TBC1D14: variants seen among roughly 807,000 people sequenced by gnomAD.
TBC1D14 encodes the protein TBC1 domain family, member 14.
TBC1D14 carries 26 observed loss-of-function variants against 79.0 expected under a neutral mutation model. That is an observed-to-expected ratio of 0.33 (90% CI 0.24 to 0.46). The LOEUF is 0.46. TBC1D14 is among the 20% of genes least tolerant of loss of function. The pLI, the probability that TBC1D14 is intolerant of heterozygous loss-of-function variation, is 1.00. For missense variants in TBC1D14, 769 were observed against 887.6 expected (o/e 0.87, Z 1.70); for synonymous variants, 394 against 349.9 (o/e 1.13, Z -1.40).
rs369968556 is a variant in TBC1D14 at position 7,014,563 on chromosome 4, A to G, written c.1757+6A>G. ...GATATCTACCTAATTGATTGGTAAG[A>G]CTGGCTTTTCCCTGTGTTTTCAGAG... is the stretch of plus-strand genomic sequence containing the variant. On this transcript the variant is annotated splice_donor_region_variant and intron_variant, in intron 12 of 13. Coordinates refer to ENST00000409757, the MANE Select transcript of TBC1D14 (RefSeq NM_020773.3). The G allele has an allele frequency of 6.3e-7, 1 of 1,580,686 alleles. No individual in the cohort carries two copies. The highest frequency in any genetic ancestry group is 2.2e-5 in the East Asian group (1 of 44,710).
At chr4:7,004,815 T>C in intron 7 of TBC1D14, 29 bp from the exon 8 acceptor site, 1 of 1,612,174 alleles carries the variant, frequency 6.2e-7, no homozygotes, top group Non-Finnish European at 8.5e-7. Context: ...CATGTGCACG[T>C]AATACTTACC....
chr4:6,967,511 C>A, intron 3 of TBC1D14, 87 bp downstream of exon 3: 1 of 1,518,744 alleles, frequency 6.6e-7, no homozygotes, highest in Middle Eastern at 1.8e-4. Flanking sequence ...CATATTGAGT[C>A]TGAAACTGGA....
In TBC1D14 at chr4:6,916,631, G is replaced by A. The variant is rs6812075; in HGVS notation, c.-18+6680G>A. On this transcript the variant is annotated intron_variant, in intron 1 of 13. Coordinates refer to ENST00000409757, the MANE Select transcript of TBC1D14 (RefSeq NM_020773.3). ...AAGTGAAGATTGTGGCTCTGGTGGC[G>A]TGACAGTTGATTGAATCCCTCGGGG... Among the ~76,000 whole-genome samples, 632 of 152,286 alleles carry A rather than the reference G, an allele frequency of 4.2e-3. 3 individuals carry two copies. The highest frequency in any genetic ancestry group is 0.014 in the African/African-American group (588 of 41,562).
At chr4:6,949,606 C>T (rs1713830755) in intron 2 of TBC1D14, among the ~76,000 whole-genome samples, 1 of 151,246 alleles carries the variant, frequency 6.6e-6, no homozygotes, top group Admixed American at 6.6e-5. Context: ...TCGCTTGAAC[C>T]CGCGAGGCAG....
At chr4:7,025,588 T>C (rs1410316012) in intron 13 of TBC1D14, among the ~76,000 whole-genome samples, 2 of 152,210 alleles carry the variant, frequency 1.3e-5, no homozygotes, top group South Asian at 2.1e-4. Flanking sequence ...CGTACCCCCC[T>C]TTTTAAAAAA....
intron 2 of TBC1D14, among the ~76,000 whole-genome samples, chr4:6,931,590 G>A (rs976284516): frequency 1.3e-5 from 2 of 152,152 alleles, no homozygotes; most frequent in Non-Finnish European, 2.9e-5. Context: ...CTGCAGACCT[G>A]CCAGTGGTCC....
intron 2 of TBC1D14, among the ~76,000 whole-genome samples, chr4:6,939,421 C>G (rs900624858): frequency 2.0e-5 from 3 of 152,020 alleles, no homozygotes; most frequent in Non-Finnish European, 4.4e-5. Flanking sequence ...CAGGTCCCCC[C>G]CAGAAGCATG....
intron 6 of TBC1D14, among the ~76,000 whole-genome samples, chr4:7,000,214 G>A (rs976764462): frequency 3.9e-5 from 6 of 152,134 alleles, no homozygotes; most frequent in African/African-American, 1.2e-4. Flanking sequence ...TGCTCCCACC[G>A]AGGGAGACCA....
At position 7,027,426 on chromosome 4, in the gene TBC1D14, TACAC is replaced by T. The variant is rs781227364; in HGVS notation, c.2016+2166_2016+2169del. On this transcript the variant is annotated intron_variant, in intron 13 of 13. Transcript: ENST00000409757. ...CAATCACCCCCCACACACCTACACA[TACAC>T]AGTCACCCCACACATAGACACGCAC... 2.1e-4 allele frequency among the ~76,000 whole-genome samples: 18 copies of T among 84,938 alleles called. No individual in the cohort carries two copies. In the Admixed American group the frequency reaches 2.5e-3, roughly 12 times the overall value. 55.7% of individuals were successfully genotyped at this position (84,938 alleles called of 152,430 possible). A position where few individuals can be genotyped will look rare whatever the true frequency, so the allele number is the denominator to read the frequency against.
chr4:7,024,096 G>C (rs985952138), intron 12 of TBC1D14, among the ~76,000 whole-genome samples: 1 of 152,204 alleles, frequency 6.6e-6, no homozygotes, highest in Non-Finnish European at 1.5e-5. Flanking sequence ...AGCACCCCCC[G>C]GCCGGAGTCC....
intron 11 of TBC1D14, among the ~76,000 whole-genome samples, chr4:7,012,006 A>G (rs2109257138): frequency 6.6e-6 from 1 of 152,120 alleles, no homozygotes; most frequent in South Asian, 2.1e-4. Flanking sequence ...AAAGTATTTA[A>G]AAGCTGTTGG....
intron 3 of TBC1D14, among the ~76,000 whole-genome samples, chr4:6,969,213 A>G (rs1404251605): frequency 6.6e-6 from 1 of 152,208 alleles, no homozygotes; most frequent in Non-Finnish European, 1.5e-5. Context: ...ATAGCATACA[A>G]TTAAAGTATG....
intron 3 of TBC1D14, chr4:6,987,065 C>A (rs1717911575): frequency 1.3e-6 from 1 of 764,436 alleles, no homozygotes; most frequent in Middle Eastern, 5.0e-4. Context: ...GGCCGTACCA[C>A]GGGGACGCCC....
chr4:6,994,497 A>G (rs1375087936), intron 4 of TBC1D14, among the ~76,000 whole-genome samples, 195 bp downstream of exon 4: 1 of 152,226 alleles, frequency 6.6e-6, no homozygotes, highest in Non-Finnish European at 1.5e-5. Flanking sequence ...CCTATAGCAT[A>G]GAAGTTTTGA....
At chr4:6,993,803 A>C (rs1718741405) in intron 3 of TBC1D14, among the ~76,000 whole-genome samples, 1 of 152,206 alleles carries the variant, frequency 6.6e-6, no homozygotes, top group African/African-American at 2.4e-5. Context: ...TGAGGTCAGG[A>C]GTTCAAGACC....
intron 3 of TBC1D14, among the ~76,000 whole-genome samples, chr4:6,989,713 A>G (rs1434606104): frequency 2.6e-5 from 4 of 151,674 alleles, no homozygotes; most frequent in African/African-American, 9.7e-5. Flanking sequence ...TCTTTTCCAC[A>G]TGGCCCCTTC....
intron 2 of TBC1D14, among the ~76,000 whole-genome samples, chr4:6,941,212 G>A (rs1211383436): frequency 1.4e-5 from 2 of 143,072 alleles, no homozygotes; most frequent in African/African-American, 5.3e-5. Context: ...TTGAGATGCG[G>A]TCTCACTCTG....
chr4:6,917,949 G>C (rs1273377801), intron 1 of TBC1D14, among the ~76,000 whole-genome samples: 1 of 152,156 alleles, frequency 6.6e-6, no homozygotes, highest in East Asian at 1.9e-4. Context: ...GTTGCAAGCG[G>C]AAGTACTTTT....
At chr4:6,930,955 C>T (rs1447557809) in intron 2 of TBC1D14, among the ~76,000 whole-genome samples, 1 of 152,040 alleles carries the variant, frequency 6.6e-6, no homozygotes, top group East Asian at 1.9e-4. Context: ...GGCTGGAGTG[C>T]AGTGGTGTCA....
Sources: gnomAD v4.1 joint callset for allele counts (sites outside exome capture counted in the v4.1 genomes callset) on GRCh38, gnomAD v4.1.1 for gene constraint, MANE v1.5 for transcripts, NCBI Gene and HGNC (gene_info 2026-07-23, HGNC 2026-07-21) for gene names.